The following TTLL9 variants were observed in gnomAD, a reference collection of about 807,000 sequenced individuals.
The protein encoded by TTLL9 is tubulin tyrosine ligase like 9.
A neutral mutation model predicts 65.6 loss-of-function variants in TTLL9; 47 were observed. The ratio of observed to expected loss-of-function variants is 0.72; its 90% CI spans 0.57 to 0.91. The LOEUF is 0.91. Among genes scored for constraint, TTLL9 ranks in the 40% least tolerant of loss-of-function variants. The pLI, the probability that TTLL9 is intolerant of heterozygous loss-of-function variation, is 0.00. For missense variants in TTLL9, 537 were observed against 568.8 expected (o/e 0.94, Z 0.57); for synonymous variants, 179 against 204.8 (o/e 0.87, Z 1.07).
chr20:31,912,080 G>C (rs955801355), intron 6 of TTLL9, among the ~76,000 whole-genome samples: 6 of 152,216 alleles, frequency 3.9e-5, no homozygotes, highest in African/African-American at 1.4e-4. Flanking sequence ...TACCTTACAG[G>C]GTTGTGAGAG....
chr20:31,903,213 T>C (rs1418109647), intron 4 of TTLL9, among the ~76,000 whole-genome samples: 1 of 152,158 alleles, frequency 6.6e-6, no homozygotes, highest in Admixed American at 6.6e-5. Context: ...AGTGGTATCA[T>C]TGTGGTTTTG....
At chr20:31,910,505 C>T (rs182237753) in intron 6 of TTLL9, among the ~76,000 whole-genome samples, 146 of 152,322 alleles carry the variant, frequency 9.6e-4, no homozygotes, top group African/African-American at 3.0e-3. Context: ...GCTGGGCAGG[C>T]TTCTCTGAAG....
chr20:31,871,246 A>G, intron 2 of TTLL9, 51 bp downstream of exon 2: 1 of 1,578,862 alleles, frequency 6.3e-7, no homozygotes, highest in Non-Finnish European at 8.7e-7. Context: ...GAAGGAGACT[A>G]CATCAGGATG....
intron 14 of TTLL9, chr20:31,939,536 A>G: frequency 6.8e-6 from 2 of 292,368 alleles, no homozygotes; most frequent in East Asian, 1.3e-4. Flanking sequence ...ACATCCAGAC[A>G]TAAGCATCTT....
intron 6 of TTLL9, among the ~76,000 whole-genome samples, chr20:31,910,895 C>T (rs373411804): frequency 2.0e-5 from 3 of 152,216 alleles, no homozygotes; most frequent in East Asian, 3.9e-4. Flanking sequence ...TGAGTGGGGC[C>T]GAGCATGGTG....
chr20:31,906,898 C>T (rs929681268), intron 4 of TTLL9, among the ~76,000 whole-genome samples: 5 of 152,186 alleles, frequency 3.3e-5, no homozygotes, highest in African/African-American at 1.2e-4. Flanking sequence ...AATCCATCCA[C>T]CTTGGCCTCC....
intron 2 of TTLL9, among the ~76,000 whole-genome samples, chr20:31,874,665 C>A (rs545544306): frequency 0.019 from 2,847 of 152,254 alleles, 83 homozygotes; most frequent in Admixed American, 0.078. Flanking sequence ...CCACCTTGGC[C>A]CCCCAAAATG....
chr20:31,880,352 C>T (rs2063100409), intron 2 of TTLL9, among the ~76,000 whole-genome samples: 1 of 152,128 alleles, frequency 6.6e-6, no homozygotes, highest in South Asian at 2.1e-4. Context: ...AGCTCAGTGC[C>T]GGCCAAGGGA....
rs180949986 is a variant in TTLL9 at position 31,917,080 on chromosome 20, G to A, written c.505-2784G>A. On this transcript the variant is annotated intron_variant, in intron 6 of 14. Coordinates refer to ENST00000535842, the MANE Select transcript of TTLL9 (RefSeq NM_001008409.5). ...AAGCATATGAACCTGAAAAGATACCGTTTAATTGAAGTTTAATAAAATATA... is the reference window on the plus strand; with the variant it reads ...AAGCATATGAACCTGAAAAGATACCATTTAATTGAAGTTTAATAAAATATA... 7.2e-5 allele frequency among the ~76,000 whole-genome samples: 11 copies of A among 152,248 alleles called. No homozygotes were observed. In the East Asian group the frequency reaches 7.7e-4, roughly 11 times the overall value.
intron 6 of TTLL9, among the ~76,000 whole-genome samples, chr20:31,913,028 C>T (rs767155475): frequency 2.6e-5 from 4 of 151,942 alleles, no homozygotes; most frequent in African/African-American, 4.8e-5. Flanking sequence ...AGTGTGGTGG[C>T]GAGTGCCTGT....
intron 2 of TTLL9, among the ~76,000 whole-genome samples, chr20:31,883,105 G>A (rs1384211442): frequency 1.3e-5 from 2 of 152,072 alleles, no homozygotes; most frequent in Non-Finnish European, 2.9e-5. Context: ...TAGTAAAGGT[G>A]TAATTAGAAC....
intron 2 of TTLL9, among the ~76,000 whole-genome samples, chr20:31,873,698 G>T (rs1600505071): frequency 1.8e-5 from 2 of 108,446 alleles, no homozygotes; most frequent in East Asian, 2.5e-4. Flanking sequence ...AAGAAAGAAA[G>T]AAAGAAAGAA....
Position 31,934,735 on chromosome 20 carries a change from C to T in TTLL9, c.851C>T (p.Ser284Phe). ...CAGCGCTTCCGGCAGTACCTGGCGT[C>T]CAAACACGGGCCCGAGGCAGTGGAG... ...TLQRFRQYLA[S>F]KHGPEAVETL... Residue 284 changes from serine (S) to phenylalanine (F), a missense_variant, in exon 12 of 15, where the codon TCC becomes TTC. Physicochemically the swap from Ser to Phe is radical, Grantham distance 155 (BLOSUM62 -2). Around this residue, in one of 3 missense-constraint regions of TTLL9, gnomAD observed 205 missense variants for 225.9 expected, o/e 0.91. Coordinates refer to ENST00000535842, the MANE Select transcript of TTLL9 (RefSeq NM_001008409.5). 5 of 1,612,584 alleles carry T rather than the reference C, an allele frequency of 3.1e-6. No individual in the cohort carries two copies. In the South Asian group the frequency reaches 5.5e-5, roughly 18 times the overall value.
intron 12 of TTLL9, among the ~76,000 whole-genome samples, chr20:31,936,759 G>A (rs571361406): frequency 2.6e-5 from 4 of 152,288 alleles, no homozygotes; most frequent in South Asian, 4.1e-4. Context: ...ATAACACCAC[G>A]AAAGCACCAT....
chr20:31,905,245 G>GTT (rs368476632), intron 4 of TTLL9, among the ~76,000 whole-genome samples: 65 of 150,972 alleles, frequency 4.3e-4, no homozygotes, highest in Non-Finnish European at 7.1e-4. Flanking sequence ...TAGTTTTTGT[G>GTT]TTTTTTTTTA....
chr20:31,912,773 CT>C (rs2063677067), intron 6 of TTLL9, among the ~76,000 whole-genome samples: 1 of 152,030 alleles, frequency 6.6e-6, no homozygotes, highest in African/African-American at 2.4e-5. Context: ...GGCAGAATTG[CT>C]TCTTTTTCAG....
chr20:31,894,210 C>G (rs1205003730), intron 3 of TTLL9, among the ~76,000 whole-genome samples: 7 of 146,534 alleles, frequency 4.8e-5, no homozygotes, highest in African/African-American at 1.8e-4. Context: ...CTCAAGTGAT[C>G]CTCCCACCTC....
Position 31,922,903 on chromosome 20 carries a change from C to T in TTLL9, c.574-60C>T, listed in dbSNP as rs149675632. 2.7e-4 allele frequency: 369 copies of T among 1,383,498 alleles called. 2 individuals are homozygous for T. The highest frequency in any genetic ancestry group is 1.8e-3 in the East Asian group (74 of 41,978). The allele number at this position is 1,383,498 out of a possible 1,614,324, so 85.7% of individuals were successfully genotyped here. A position where few individuals can be genotyped will look rare whatever the true frequency, so the allele number is the denominator to read the frequency against. On this transcript the variant is annotated intron_variant, in intron 7 of 14. Transcript: ENST00000535842. ...ACCCAAAGTAGTGTCTAACAGAATACCTAGTACACAGGAAATGTTCCATAA... is the reference window on the plus strand; with the variant it reads ...ACCCAAAGTAGTGTCTAACAGAATATCTAGTACACAGGAAATGTTCCATAA...
intron 2 of TTLL9, chr20:31,884,001 A>C (rs1600524301): frequency 4.1e-6 from 2 of 486,722 alleles, no homozygotes; most frequent in Non-Finnish European, 7.5e-6. Flanking sequence ...AGAAGTAAGT[A>C]AGTCTGCCTT....
Sources: allele counts gnomAD v4.1 joint callset (sites outside exome capture counted in the v4.1 genomes callset), GRCh38; gene constraint gnomAD v4.1.1; regional missense constraint gnomAD v4.1.1; transcripts MANE v1.5; gene names NCBI Gene and HGNC (gene_info 2026-07-23, HGNC 2026-07-21).